FAT1: variants seen among roughly 807,000 people sequenced by gnomAD.
FAT1 encodes the protein protocadherin Fat 1.
Under a neutral mutation model 329.8 loss-of-function variants are expected in FAT1, and 171 were observed. The ratio of observed to expected loss-of-function variants is 0.52; its 90% CI spans 0.46 to 0.59. The LOEUF (loss-of-function observed/expected upper bound fraction) is 0.59. Ranked by LOEUF, FAT1 falls within the 20% of genes least tolerant of loss-of-function variation. The pLI, the probability that FAT1 is intolerant of heterozygous loss-of-function variation, is 0.00. For missense variants in FAT1, 5,672 were observed against 5,774.4 expected, an observed-to-expected ratio of 0.98 and a Z score of 0.57; for synonymous variants, 2,233 against 2,228.6, an observed-to-expected ratio of 1.00 and a Z score of -0.06.
intron 2 of FAT1, among the ~76,000 whole-genome samples, chr4:186,697,355 G>A (rs1269560073): frequency 1.3e-5 from 2 of 152,198 alleles, no homozygotes; most frequent in Non-Finnish European, 2.9e-5. Context: ...GTGGAGGGCC[G>A]GCTGCGGGAC....
Position 186,709,052 on chromosome 4 carries a change from G to C in FAT1, c.776C>G (p.Ala259Gly), listed in dbSNP as rs1744806637. ...CAGTTCTGATGGTGACAATGTCACT[G>C]CTGTTATCACCGGAGCACATTCATT... ...QANECAPVIT[A>G]VTLSPSELDR... The change falls in exon 2 of 27, where the codon GCA (alanine) becomes GGA (glycine). Residue 259 changes from alanine (A) to glycine (G), a missense_variant. Coordinates refer to ENST00000441802, the MANE Select transcript of FAT1 (RefSeq NM_005245.4). 1 of 1,613,864 alleles carries C rather than the reference G, an allele frequency of 6.2e-7. No individual in the cohort carries two copies. The highest frequency in any genetic ancestry group is 8.5e-7 in the Non-Finnish European group (1 of 1,179,886).
intron 22 of FAT1, 68 bp from the exon 23 acceptor site, chr4:186,598,193 T>C (rs1027300703): frequency 1.0e-5 from 14 of 1,374,424 alleles, no homozygotes; most frequent in South Asian, 9.5e-5. Flanking sequence ...CTTAATTATA[T>C]TGCTTTTTAT....
intron 7 of FAT1, among the ~76,000 whole-genome samples, chr4:186,631,537 G>A (rs1360562652): frequency 1.4e-5 from 2 of 147,962 alleles, no homozygotes; most frequent in Non-Finnish European, 3.0e-5. Context: ...CAATCCCCGC[G>A]GTATGCTAGT....
intron 3 of FAT1, among the ~76,000 whole-genome samples, chr4:186,661,426 G>A (rs925393458): frequency 4.6e-5 from 7 of 152,168 alleles, no homozygotes; most frequent in South Asian, 2.1e-4. Context: ...ATGGCTGTCC[G>A]TGCGTCAATC....
In FAT1 at chr4:186,604,033, T is replaced by C. The variant is rs985891089; in HGVS notation, c.10549-56A>G. ...GTCTATGGCACTGTTTATAACTTCTTCAATAAAAACATTTGTATTACTCAA... is the reference window on the plus strand; with the variant it reads ...GTCTATGGCACTGTTTATAACTTCTCCAATAAAAACATTTGTATTACTCAA... On this transcript the variant is annotated intron_variant, in intron 18 of 26. Transcript: ENST00000441802. 3.7e-6 allele frequency: 5 copies of C among 1,349,638 alleles called. No individual in the cohort carries two copies. In the Admixed American group the frequency reaches 6.3e-5, roughly 17 times the overall value. The allele number at this position is 1,349,638 out of a possible 1,614,324, so 83.6% of individuals were successfully genotyped here. A position where few individuals can be genotyped will look rare whatever the true frequency, so the allele number is the denominator to read the frequency against.
intron 3 of FAT1, among the ~76,000 whole-genome samples, chr4:186,658,385 C>T (rs1410391909): frequency 6.6e-6 from 1 of 152,158 alleles, no homozygotes; most frequent in African/African-American, 2.4e-5. Context: ...CATAAGCTCA[C>T]TCACTAAACC....
rs922497347 is a variant in FAT1, at chr4:186,709,323, C to T, written c.505G>A (p.Ala169Thr). 13 of 1,613,818 alleles carry T rather than the reference C, an allele frequency of 8.1e-6. No homozygotes were observed. Among genetic ancestry groups the T allele is most frequent in the Admixed American group, 1.7e-5 (1 of 59,988 alleles). Residue 169 changes from alanine to threonine, a missense_variant, in exon 2 of 27, where the codon GCA (alanine) becomes ACA (threonine). Coordinates refer to ENST00000441802, the MANE Select transcript of FAT1 (RefSeq NM_005245.4). ...PENTAIRTSI[A>T]RVSATDADIG... ...TCTGCATCCGTGGCGCTGACTCTTGCGATACTGGTCCTTATAGCTGTGTTT... is the reference window on the plus strand; with the variant it reads ...TCTGCATCCGTGGCGCTGACTCTTGTGATACTGGTCCTTATAGCTGTGTTT...
chr4:186,649,343 C>T (rs1021356945), intron 3 of FAT1, among the ~76,000 whole-genome samples: 2 of 152,086 alleles, frequency 1.3e-5, no homozygotes, highest in African/African-American at 2.4e-5. Context: ...GCATATTTTC[C>T]GTCTTCTTGG....
chr4:186,670,995 G>T (rs1279445313), intron 2 of FAT1, among the ~76,000 whole-genome samples: 1 of 152,110 alleles, frequency 6.6e-6, no homozygotes, highest in Non-Finnish European at 1.5e-5. Context: ...AACGTGAGAA[G>T]CTGGGGCAGG....
intron 21 of FAT1, among the ~76,000 whole-genome samples, chr4:186,600,602 G>A (rs1738766681): frequency 6.6e-6 from 1 of 152,144 alleles, no homozygotes; most frequent in South Asian, 2.1e-4. Context: ...ACTATTAACT[G>A]AACACATAAG....
At chr4:186,702,476 T>C (rs1378278857) in intron 2 of FAT1, among the ~76,000 whole-genome samples, 1 of 152,204 alleles carries the variant, frequency 6.6e-6, no homozygotes, top group Non-Finnish European at 1.5e-5. Context: ...CAAACTACTC[T>C]AGACTGAAGG....
Position 186,628,369 on chromosome 4 carries a change from A to G in FAT1, c.4600-5T>C, listed in dbSNP as rs750737765. ...AGGCACATCTTGATCTCGTACCTAA[A>G]AAGAATTGACACATTATCAATCCCA... On this transcript the variant is annotated splice_polypyrimidine_tract_variant and splice_region_variant and intron_variant, in intron 8 of 26. Coordinates refer to ENST00000441802, the MANE Select transcript of FAT1 (RefSeq NM_005245.4). The G allele has an allele frequency of 1.2e-6, 2 of 1,611,996 alleles. No individual in the cohort carries two copies. Among genetic ancestry groups the G allele is most frequent in the Non-Finnish European group, 1.7e-6 (2 of 1,178,722 alleles).
In FAT1 at chr4:186,674,671, A is replaced by T. The variant is rs564351868; in HGVS notation, c.3266-11058T>A. On this transcript the variant is annotated intron_variant, in intron 2 of 26. Transcript: ENST00000441802. Reference sequence around the variant, plus strand: ...GCCCATTTAGGATAAAAAAGAAAAAAGGATATTAAAAAAAATCCAACACTG... The same window carrying T: ...GCCCATTTAGGATAAAAAAGAAAAATGGATATTAAAAAAAATCCAACACTG... Among the ~76,000 whole-genome samples the T allele has an allele frequency of 3.3e-5, 5 of 152,312 alleles. No individual in the cohort carries two copies. In the East Asian group the frequency reaches 9.6e-4, roughly 29 times the overall value.
At chr4:186,616,660 G>A (rs80275338) in intron 11 of FAT1, among the ~76,000 whole-genome samples, 1,979 of 152,214 alleles carry the variant, frequency 0.013, 47 homozygotes, top group African/African-American at 0.046. Context: ...AGTGTCTCAC[G>A]GCACGTCGGC....
At chr4:186,601,769 A>C in intron 20 of FAT1, 1 of 174,770 alleles carries the variant, frequency 5.7e-6, no homozygotes, top group Non-Finnish European at 1.2e-5. Context: ...TCTCAAGCAA[A>C]ATAAAACAAT....
intron 3 of FAT1, among the ~76,000 whole-genome samples, chr4:186,648,913 C>CT (rs1454280118): frequency 7.2e-5 from 11 of 152,100 alleles, no homozygotes; most frequent in East Asian, 5.8e-4. Flanking sequence ...AAAATTCACT[C>CT]TTTTTTTAAC....
intron 18 of FAT1, 25 bp from the exon 19 acceptor site, chr4:186,604,002 A>T (rs2126436378): frequency 6.4e-7 from 1 of 1,557,334 alleles, no homozygotes; most frequent in Non-Finnish European, 8.8e-7. Context: ...AAATAAAATC[A>T]CCTTTGTCTA....
intron 26 of FAT1, among the ~76,000 whole-genome samples, chr4:186,595,001 C>T (rs978793359): frequency 1.3e-5 from 2 of 151,972 alleles, no homozygotes; most frequent in South Asian, 2.1e-4. Flanking sequence ...TGAATATTGA[C>T]GTTTTTCTCT....
At chr4:186,642,254 C>T (rs1308785673) in intron 3 of FAT1, among the ~76,000 whole-genome samples, 2 of 152,112 alleles carry the variant, frequency 1.3e-5, no homozygotes, top group African/African-American at 4.8e-5. Flanking sequence ...CACTGCAGGG[C>T]CTGGCGTGGG....
Sources: gnomAD v4.1 joint callset for allele counts (sites outside exome capture counted in the v4.1 genomes callset) on GRCh38, gnomAD v4.1.1 for gene constraint, MANE v1.5 for transcripts, NCBI Gene and HGNC (gene_info 2026-07-23, HGNC 2026-07-21) for gene names.